The following UGT1A4 variants were observed in gnomAD, a reference collection of about 807,000 sequenced individuals.
The protein encoded by UGT1A4 is UDP-glucuronosyltransferase 1A4.
In UGT1A4, 32 loss-of-function variants were observed where a neutral mutation model predicts 41.1. That is an observed-to-expected ratio of 0.78 (90% CI 0.59 to 1.05). The LOEUF is 1.05. UGT1A4 is among the 50% of genes least tolerant of loss of function. The pLI is 0.00. For missense variants in UGT1A4, 748 were observed against 677.4 expected, an observed-to-expected ratio of 1.10 and a Z score of -1.16; for synonymous variants, 283 against 265.1, an observed-to-expected ratio of 1.07 and a Z score of -0.66.
At chr2:233,729,260 G>A (rs774974731) in intron 1 of UGT1A4, 12 of 1,613,974 alleles carry the variant, frequency 7.4e-6, no homozygotes, top group East Asian at 4.5e-5. Context: ...CTCAGCATGC[G>A]GGAGGTCTTG....
rs377755645 is a variant in UGT1A4, at chr2:233,743,742, C to T, written c.868-23292C>T. The T allele has an allele frequency of 2.5e-5, 34 of 1,367,276 alleles. No homozygotes were observed. In the South Asian group the frequency reaches 3.5e-4, roughly 14 times the overall value. The allele number at this position is 1,367,276 out of a possible 1,614,324, so 84.7% of individuals were successfully genotyped here. On this transcript the variant is annotated intron_variant, in intron 1 of 4. Coordinates refer to ENST00000373409, the MANE Select transcript of UGT1A4 (RefSeq NM_007120.3). ...CGGTCATAGATATCGCGTTTCTTGG[C>T]GTCCGACAACACCTCGTAGGCCTCG...
chr2:233,768,435 A>G lies in UGT1A4; in HGVS notation c.1303A>G (p.Lys435Glu), dbSNP rs1699610425. Residue 435 changes from lysine to glutamate, a missense_variant, in exon 4 of 5, where the codon AAA becomes GAA. Physicochemically the swap from Lys to Glu is moderately conservative, Grantham distance 56. Transcript: ENST00000373409. ...ENALKAVINDKSYKENIMRLS... is the reference protein window; with the variant it reads ...ENALKAVINDESYKENIMRLS... ...TGCTCTAAAAGCAGTCATCAATGAC[A>G]AAAGGTAAGAAAGAAGATACAGAAG... 1.2e-6 allele frequency: 2 copies of G among 1,613,666 alleles called. No individual in the cohort carries two copies. The highest frequency in any genetic ancestry group is 1.7e-6 in the Non-Finnish European group (2 of 1,179,762).
At chr2:233,731,885 AT>A (rs2078216460) in intron 1 of UGT1A4, among the ~76,000 whole-genome samples, 2 of 152,268 alleles carry the variant, frequency 1.3e-5, no homozygotes, top group South Asian at 2.1e-4. Context: ...GGTTGAACTA[AT>A]TTACACTCCC....
chr2:233,757,798 G>T (rs1696723883), intron 1 of UGT1A4, among the ~76,000 whole-genome samples: 1 of 151,794 alleles, frequency 6.6e-6, no homozygotes, highest in Non-Finnish European at 1.5e-5. Flanking sequence ...TTGATGAAAG[G>T]AGATGAAAGG....
intron 1 of UGT1A4, among the ~76,000 whole-genome samples, chr2:233,746,098 C>T (rs530884234): frequency 6.6e-5 from 10 of 151,904 alleles, no homozygotes; most frequent in South Asian, 2.1e-4. Context: ...AGAAACATGT[C>T]CAGAGTGCTT....
intron 1 of UGT1A4, among the ~76,000 whole-genome samples, chr2:233,758,886 A>G (rs1359605259): frequency 6.6e-6 from 1 of 152,236 alleles, no homozygotes; most frequent in African/African-American, 2.4e-5. Context: ...TCCATGGTCA[A>G]TAAATACAAA....
chr2:233,761,556 C>T (rs1005029875), intron 1 of UGT1A4, among the ~76,000 whole-genome samples: 3 of 152,166 alleles, frequency 2.0e-5, no homozygotes, highest in African/African-American at 7.2e-5. Flanking sequence ...GATGATAGAT[C>T]CTGGAAATGA....
chr2:233,755,506 C>T (rs1314328553), intron 1 of UGT1A4: 1 of 167,798 alleles, frequency 6.0e-6, no homozygotes, highest in Admixed American at 5.8e-5. Context: ...CAAGACCAGG[C>T]CCCGCCCACT....
chr2:233,734,931 C>T (rs921627257), intron 1 of UGT1A4, among the ~76,000 whole-genome samples: 9 of 152,162 alleles, frequency 5.9e-5, no homozygotes, highest in Non-Finnish European at 8.8e-5. Flanking sequence ...GCTTTACTTA[C>T]AATCATATGG....
chr2:233,754,393 T>C (rs1161428077), intron 1 of UGT1A4: 1 of 317,382 alleles, frequency 3.2e-6, no homozygotes, highest in South Asian at 2.8e-5. Context: ...AGAGGTCCTA[T>C]CCGTGCAGTC....
intron 1 of UGT1A4, among the ~76,000 whole-genome samples, chr2:233,735,070 G>A (rs572214554): frequency 1.3e-5 from 2 of 152,256 alleles, no homozygotes; most frequent in East Asian, 1.9e-4. Context: ...GGATATCCTT[G>A]TTAACCTTTG....
In UGT1A4 at chr2:233,769,858, A is replaced by AC. The variant is rs557718673; in HGVS notation, c.1307+1419_1307+1420insC. The AC allele has an allele frequency of 9.4e-6, 1 of 106,936 alleles. No individual in the cohort carries two copies. Among genetic ancestry groups the AC allele is most frequent in the Non-Finnish European group, 1.7e-5 (1 of 60,026 alleles). 6.6% of individuals were successfully genotyped at this position (106,936 alleles called of 1,614,324 possible). On this transcript the variant is annotated intron_variant, in intron 4 of 4. Transcript: ENST00000373409. This position sits in a 1 kb window ranked among gnomAD's most constrained non-coding sequence, Gnocchi z 4.4. Reference sequence around the variant, plus strand: ...GGGCAACAGAGTGAGACCCTGTCTCAAAAAAAAAAAAAAAAATGAAAAGTC... The same window carrying AC: ...GGGCAACAGAGTGAGACCCTGTCTCACAAAAAAAAAAAAAAAATGAAAAGTC...
At chr2:233,724,957 G>A in intron 1 of UGT1A4, among the ~76,000 whole-genome samples, 1 of 142,916 alleles carries the variant, frequency 7.0e-6, no homozygotes, top group Non-Finnish European at 1.5e-5. Flanking sequence ...GGCACCTCGG[G>A]AGGCCGAGGT....
At chr2:233,765,432 A>G (rs926269161) in intron 1 of UGT1A4, among the ~76,000 whole-genome samples, 3 of 152,240 alleles carry the variant, frequency 2.0e-5, no homozygotes, top group Non-Finnish European at 2.9e-5. Flanking sequence ...AGCCATAACA[A>G]GGAATGAGAT....
chr2:233,742,761 T>C (rs978880235), intron 1 of UGT1A4: 1 of 153,020 alleles, frequency 6.5e-6, no homozygotes, highest in African/African-American at 2.4e-5. Flanking sequence ...ATTAAGATAA[T>C]AAATGCATGT....
At chr2:233,748,079 G>T in intron 1 of UGT1A4, 1 of 1,613,192 alleles carries the variant, frequency 6.2e-7, no homozygotes. Context: ...CACTATCTCA[G>T]GTCGGTGTTC....
chr2:233,759,378 C>T (rs906522518), intron 1 of UGT1A4, among the ~76,000 whole-genome samples: 2 of 152,128 alleles, frequency 1.3e-5, no homozygotes, highest in African/African-American at 2.4e-5. Flanking sequence ...TACAGGTTTT[C>T]AGGATACTCA....
chr2:233,767,045 C>G lies in UGT1A4; in HGVS notation c.879C>G (p.Ala293=), dbSNP rs900263261. 1.9e-6 allele frequency: 3 copies of G among 1,614,006 alleles called. No homozygotes were observed. The African/African-American group carries it at 4.0e-5, about 22-fold the overall frequency. The change falls in exon 2 of 5, where the codon GCC becomes GCG. Residue 293 remains alanine, a synonymous_variant. Coordinates refer to ENST00000373409, the MANE Select transcript of UGT1A4 (RefSeq NM_007120.3). ...NGKPLSQEFE[A]YINASGEHGI... is the part of the protein sequence containing the mutation. ...TCTTCTGGCTCTAGGAATTTGAAGC[C>G]TACATTAATGCTTCTGGAGAACATG...
At chr2:233,768,122 G>A in intron 3 of UGT1A4, 98 bp from the exon 4 acceptor site, 1 of 1,602,552 alleles carries the variant, frequency 6.2e-7, no homozygotes, top group Non-Finnish European at 8.5e-7. Flanking sequence ...GGGCATGTGA[G>A]TAACACTGAG....
Sources: gnomAD v4.1 joint callset for allele counts (sites outside exome capture counted in the v4.1 genomes callset) on GRCh38, gnomAD v4.1.1 for gene constraint, Gnocchi (gnomAD v3.1) non-coding constraint, MANE v1.5 for transcripts, NCBI Gene and HGNC (gene_info 2026-07-23, HGNC 2026-07-21) for gene names.